Variants in BCAS3 observed in about 807,000 individuals in gnomAD.
BCAS3 encodes BCAS4/BCAS3 fusion.
Under a neutral mutation model 116.1 loss-of-function variants are expected in BCAS3, and 53 were observed. The ratio of observed to expected loss-of-function variants is 0.46; its 90% CI spans 0.37 to 0.57. The LOEUF (loss-of-function observed/expected upper bound fraction) is 0.57, where lower values mean the gene tolerates loss of function less well. BCAS3 is among the 20% of genes least tolerant of loss of function. BCAS3 has a pLI of 0.00. For synonymous variants in BCAS3, 391 were observed against 408.2 expected (o/e 0.96, Z 0.51); for missense variants, 917 against 1,165.4 (o/e 0.79, Z 3.10).
intron 18 of BCAS3, 31 bp downstream of exon 18, chr17:61,038,085 C>T: frequency 6.3e-7 from 1 of 1,588,292 alleles, no homozygotes. Context: ...TTCTTTTTAA[C>T]AGCTTCATTA....
intron 14 of BCAS3, among the ~76,000 whole-genome samples, chr17:60,982,728 G>A (rs751190181): frequency 6.7e-6 from 1 of 148,312 alleles, no homozygotes; most frequent in East Asian, 1.9e-4. Context: ...ATTTTGAATT[G>A]CATCAACAAA....
In BCAS3 at chr17:61,348,453, G is replaced by A. The variant is rs1248831039; in HGVS notation, c.2426-19874G>A. On this transcript the variant is annotated intron_variant, in intron 22 of 23. Transcript: ENST00000407086. The surrounding 1 kb of genome is among the most constrained non-coding windows in gnomAD (Gnocchi z 4.5). ...AGCATATAGGTAGTACTGGGTATTTGTAAGCGTTAGAGTAGCTGAACTCAC... is the reference window on the plus strand; with the variant it reads ...AGCATATAGGTAGTACTGGGTATTTATAAGCGTTAGAGTAGCTGAACTCAC... Among the ~76,000 whole-genome samples, 1 of 152,142 alleles carries A rather than the reference G, an allele frequency of 6.6e-6. No homozygotes were observed. Among genetic ancestry groups the A allele is most frequent in the African/African-American group, 2.4e-5 (1 of 41,424 alleles).
chr17:61,329,340 A>ATTTTTTTTTTTTTTTTTTT (rs199612323), intron 22 of BCAS3, among the ~76,000 whole-genome samples: 1 of 109,416 alleles, frequency 9.1e-6, no homozygotes, highest in African/African-American at 3.0e-5. Context: ...TATTATTATT[A>ATTTTTTTTTTTTTTTTTTT]TTATTTTTTT....
rs1239071887 is a variant in BCAS3 at position 61,180,539 on chromosome 17, T to G, written c.2425+95975T>G. On this transcript the variant is annotated intron_variant, in intron 22 of 23. Coordinates refer to ENST00000407086, the MANE Select transcript of BCAS3 (RefSeq NM_017679.5). This position sits in a 1 kb window ranked among gnomAD's most constrained non-coding sequence, Gnocchi z 6.0. ...TAAGTAGTAGACTGCACATCCAGAC[T>G]TGACCGTCAGGTCACCTGAAGGACA... 2.6e-5 allele frequency among the ~76,000 whole-genome samples: 4 copies of G among 152,230 alleles called. No individual in the cohort carries two copies. The highest frequency in any genetic ancestry group is 4.8e-5 in the African/African-American group (2 of 41,474).
chr17:61,250,553 A>G (rs1052593347), intron 22 of BCAS3, among the ~76,000 whole-genome samples: 2 of 152,240 alleles, frequency 1.3e-5, no homozygotes. Flanking sequence ...TGGAGACATC[A>G]TAAGAAACAT....
In BCAS3 at chr17:61,241,495, A is replaced by T. The variant is rs2144503191; in HGVS notation, c.2426-126832A>T. ...GGGAGGCCGAGGCAGGCGGATCACG[A>T]GGTCAGGAGATCAAGACCATCCTCG... On this transcript the variant is annotated intron_variant, in intron 22 of 23. Transcript: ENST00000407086. The surrounding 1 kb of genome is among the most constrained non-coding windows in gnomAD (Gnocchi z 4.6). Among the ~76,000 whole-genome samples the T allele has an allele frequency of 6.6e-6, 1 of 151,680 alleles. No individual in the cohort carries two copies. The highest frequency in any genetic ancestry group is 2.0e-4 in the East Asian group (1 of 5,086).
chr17:60,958,407 A>G (rs1243558875), intron 14 of BCAS3, among the ~76,000 whole-genome samples: 1 of 152,250 alleles, frequency 6.6e-6, no homozygotes, highest in African/African-American at 2.4e-5. Context: ...ATATTAGATC[A>G]ATATACAAAA....
At chr17:60,925,500 A>C (rs1689483646) in intron 13 of BCAS3, among the ~76,000 whole-genome samples, 1 of 152,246 alleles carries the variant, frequency 6.6e-6, no homozygotes, top group Non-Finnish European at 1.5e-5. Context: ...CAAGTACTCT[A>C]CAGTATGTCA....
chr17:61,283,603 G>A (rs563278373), intron 22 of BCAS3, among the ~76,000 whole-genome samples: 22 of 149,812 alleles, frequency 1.5e-4, no homozygotes, highest in Middle Eastern at 3.7e-3. Context: ...ACAGGCGACC[G>A]CCACCATGCC....
Position 61,026,105 on chromosome 17 carries a change from G to T in BCAS3, c.1638-8561G>T, listed in dbSNP as rs753945151. Among the ~76,000 whole-genome samples, 3 of 152,010 alleles carry T rather than the reference G, an allele frequency of 2.0e-5. No individual in the cohort carries two copies. The highest frequency in any genetic ancestry group is 4.4e-5 in the Non-Finnish European group (3 of 67,940). On this transcript the variant is annotated intron_variant, in intron 16 of 23. Coordinates refer to ENST00000407086, the MANE Select transcript of BCAS3 (RefSeq NM_017679.5). This position sits in a 1 kb window ranked among gnomAD's most constrained non-coding sequence, Gnocchi z 5.0. ...CAGATGTGCATGGCATATCTTAAAT[G>T]CTAGGAACAGAATTTTGAGAAGAAA...
rs1191130672 is a variant in BCAS3, at chr17:61,078,481, A to G, written c.2279A>G (p.Gln760Arg). ...LQSHGPSDTP[Q>R]PLLDFDTDDL... Reference sequence around the variant, plus strand: ...TCTCATGGTCCGAGTGACACGCCACAGCCTCTTTTGGATTTTGATACAGAT... The same window carrying G: ...TCTCATGGTCCGAGTGACACGCCACGGCCTCTTTTGGATTTTGATACAGAT... Residue 760 changes from glutamine (Q) to arginine (R), a missense_variant, in exon 21 of 24, where the codon CAG becomes CGG. Gln to Arg is a conservative substitution (Grantham distance 43). Coordinates refer to ENST00000407086, the MANE Select transcript of BCAS3 (RefSeq NM_017679.5). The G allele has an allele frequency of 6.2e-7, 1 of 1,614,204 alleles. No homozygotes were observed. The highest frequency in any genetic ancestry group is 8.5e-7 in the Non-Finnish European group (1 of 1,180,026).
intron 6 of BCAS3, among the ~76,000 whole-genome samples, chr17:60,758,211 C>A (rs2043182493): frequency 6.6e-6 from 1 of 152,094 alleles, no homozygotes; most frequent in African/African-American, 2.4e-5. Context: ...TTTCTTTTGA[C>A]TCAAAATTGC....
intron 22 of BCAS3, among the ~76,000 whole-genome samples, chr17:61,176,706 T>G (rs1274208935): frequency 6.6e-6 from 1 of 152,002 alleles, no homozygotes; most frequent in Non-Finnish European, 1.5e-5. Flanking sequence ...TACAGTCATG[T>G]GCCAACATGT....
At chr17:61,221,127 T>G (rs1322266970) in intron 22 of BCAS3, among the ~76,000 whole-genome samples, 1 of 152,170 alleles carries the variant, frequency 6.6e-6, no homozygotes, top group Non-Finnish European at 1.5e-5. Context: ...TGGTTCATAG[T>G]AGAATCCCAG....
In BCAS3 at chr17:61,233,891, T is replaced by A. The variant is rs1020689298; in HGVS notation, c.2426-134436T>A. Among the ~76,000 whole-genome samples the A allele has an allele frequency of 6.6e-6, 1 of 152,124 alleles. No individual in the cohort carries two copies. The highest frequency in any genetic ancestry group is 1.5e-5 in the Non-Finnish European group (1 of 68,024). ...GCCCCTGAGGCTCTTTCCTGTCTAG[T>A]TGAGCTTTCTTTAAGAGGTCTTCCA... is the stretch of plus-strand genomic sequence containing the variant. On this transcript the variant is annotated intron_variant, in intron 22 of 23. Transcript: ENST00000407086. This position sits in a 1 kb window ranked among gnomAD's most constrained non-coding sequence, Gnocchi z 4.3.
chr17:61,052,715 CTTTTTTTT>C (rs60772345), intron 19 of BCAS3, among the ~76,000 whole-genome samples: 1 of 124,946 alleles, frequency 8.0e-6, no homozygotes. Context: ...TTCTTTCTTT[CTTTTTTTT>C]TTTTTTTTTT....
chr17:61,251,494 C>G lies in BCAS3; in HGVS notation c.2426-116833C>G, dbSNP rs1172997458. Among the ~76,000 whole-genome samples, 1 of 151,562 alleles carries G rather than the reference C, an allele frequency of 6.6e-6. No individual in the cohort carries two copies. Among genetic ancestry groups the G allele is most frequent in the Non-Finnish European group, 1.5e-5 (1 of 67,944 alleles). ...CTGAGGCAGGAGAATCACTTGAACGCGGGATGCAGAGGTTGCAGTGAGCCG... is the reference window on the plus strand; with the variant it reads ...CTGAGGCAGGAGAATCACTTGAACGGGGGATGCAGAGGTTGCAGTGAGCCG... On this transcript the variant is annotated intron_variant, in intron 22 of 23. Coordinates refer to ENST00000407086, the MANE Select transcript of BCAS3 (RefSeq NM_017679.5). This position sits in a 1 kb window ranked among gnomAD's most constrained non-coding sequence, Gnocchi z 4.7.
intron 5 of BCAS3, among the ~76,000 whole-genome samples, chr17:60,724,022 C>T (rs991854396): frequency 3.3e-5 from 5 of 151,716 alleles, no homozygotes; most frequent in African/African-American, 1.2e-4. Flanking sequence ...GCCCGGCCTA[C>T]TTTTTCACTT....
chr17:60,791,159 C>G (rs1033813966), intron 6 of BCAS3, among the ~76,000 whole-genome samples: 3 of 152,142 alleles, frequency 2.0e-5, no homozygotes, highest in African/African-American at 4.8e-5. Flanking sequence ...GGGCTCAAAC[C>G]TCCGGTGTAG....
Sources: allele counts gnomAD v4.1 joint callset (sites outside exome capture counted in the v4.1 genomes callset), GRCh38; gene constraint gnomAD v4.1.1; non-coding constraint Gnocchi (gnomAD v3.1); transcripts MANE v1.5; gene names NCBI Gene and HGNC (gene_info 2026-07-23, HGNC 2026-07-21).